MGAT3: variants seen among roughly 807,000 people sequenced by gnomAD.
The protein encoded by MGAT3 is GlcNAc-T III.
Under a neutral mutation model 29.8 loss-of-function variants are expected in MGAT3, and 9 were observed. The ratio of observed to expected loss-of-function variants is 0.30; its 90% confidence interval spans 0.18 to 0.53. The LOEUF is 0.53. MGAT3 is among the 20% of genes least tolerant of loss of function. MGAT3 has a pLI of 0.96. For synonymous variants in MGAT3, 397 were observed against 348.9 expected, an observed-to-expected ratio of 1.14 and a Z score of -1.54; for missense variants, 557 against 769.5, an observed-to-expected ratio of 0.72 and a Z score of 3.27.
At chr22:39,476,740 G>C (rs570282925) in intron 1 of MGAT3, 5 of 152,240 alleles carry the variant, frequency 3.3e-5, no homozygotes, top group Admixed American at 6.5e-5. Flanking sequence ...GGCTGAGCAA[G>C]TCACTTAACC....
At chr22:39,461,953 G>A (rs1161689837) in intron 1 of MGAT3, among the ~76,000 whole-genome samples, 3 of 151,394 alleles carry the variant, frequency 2.0e-5, no homozygotes, top group African/African-American at 7.3e-5. Flanking sequence ...CCAGGCTGGA[G>A]TGCAGTGGCA....
At chr22:39,473,076 G>A (rs1456651236) in intron 1 of MGAT3, among the ~76,000 whole-genome samples, 1 of 152,154 alleles carries the variant, frequency 6.6e-6, no homozygotes, top group Non-Finnish European at 1.5e-5. Context: ...AGCAGTGGGA[G>A]GCGGATGTCC....
chr22:39,464,168 C>T (rs1928572509), intron 1 of MGAT3, among the ~76,000 whole-genome samples: 1 of 152,236 alleles, frequency 6.6e-6, no homozygotes, highest in Admixed American at 6.5e-5. Context: ...GCCTCTGCCT[C>T]TTCCTGGAAG....
rs1056025346 is a variant in MGAT3, at chr22:39,490,407, C to G, written c.*1458C>G. The stretch of plus-strand genomic sequence containing the variant: ...TAGTCTTCAGCGGGGCCGCCATGTG[C>G]CTGGCCTCACCTTGGGAGTTATCTT... On this transcript the variant is annotated 3_prime_UTR_variant, in exon 2 of 2. Transcript: ENST00000341184. The G allele has an allele frequency of 2.4e-5, 4 of 166,982 alleles. No homozygotes were observed. Among genetic ancestry groups the G allele is most frequent in the African/African-American group, 9.7e-5 (4 of 41,436 alleles). The allele number at this position is 166,982 out of a possible 1,614,324, so 10.3% of individuals were successfully genotyped here. A position where few individuals can be genotyped will look rare whatever the true frequency, so the allele number is the denominator to read the frequency against.
rs1929343302 is a variant in MGAT3, at chr22:39,488,215, G to A, written c.868G>A (p.Asp290Asn). 3.1e-6 allele frequency: 5 copies of A among 1,612,490 alleles called. No homozygotes were observed. The highest frequency in any genetic ancestry group is 1.3e-5 in the African/African-American group (1 of 74,924). ...CCGGCAGGACGGCTGGATCGCCGAC[G>A]ACTACCTGCGCACCTTCCTCACCCA... ...GGRQDGWIAD[D>N]YLRTFLTQDG... Residue 290 changes from aspartate (D) to asparagine (N), a missense_variant, in exon 2 of 2, where the codon GAC becomes AAC. Physicochemically the swap from Asp to Asn is conservative, Grantham distance 23. Transcript: ENST00000341184.
intron 1 of MGAT3, among the ~76,000 whole-genome samples, chr22:39,464,846 G>A (rs1246166959): frequency 6.6e-6 from 1 of 151,560 alleles, no homozygotes; most frequent in Non-Finnish European, 1.5e-5. Context: ...TGCCTCCCAG[G>A]TTCACGCCAT....
intron 1 of MGAT3, chr22:39,472,640 G>A (rs1358017110): frequency 6.6e-6 from 1 of 152,296 alleles, no homozygotes; most frequent in Non-Finnish European, 1.5e-5. Flanking sequence ...ACTGCTGCCT[G>A]GTTACCTGTT....
rs1405165949 is a variant in MGAT3 at position 39,457,883 on chromosome 22, G to A, written c.-2+326G>A. ...CCCCGAGGCGCGGGGCTCGAGCCGT[G>A]CTTTGTGCGCGGCACCCCCCAGCCT... On this transcript the variant is annotated intron_variant, in intron 1 of 1. Transcript: ENST00000341184. The surrounding 1 kb of genome is among the most constrained non-coding windows in gnomAD (Gnocchi z 6.8). Among the ~76,000 whole-genome samples, 1 of 151,508 alleles carries A rather than the reference G, an allele frequency of 6.6e-6. No homozygotes were observed. The highest frequency in any genetic ancestry group is 1.9e-4 in the East Asian group (1 of 5,140).
At chr22:39,483,629 G>T (rs1461946497) in intron 1 of MGAT3, among the ~76,000 whole-genome samples, 2 of 152,170 alleles carry the variant, frequency 1.3e-5, no homozygotes, top group African/African-American at 4.8e-5. Flanking sequence ...GTATTGCCTT[G>T]TGTCTGGTCC....
intron 1 of MGAT3, among the ~76,000 whole-genome samples, chr22:39,482,627 G>A (rs1193594563): frequency 6.6e-5 from 10 of 152,178 alleles, no homozygotes; most frequent in Admixed American, 6.5e-4. Context: ...TTATTTATAT[G>A]CTGTCTCAAT....
rs1325063476 is a variant in MGAT3, at chr22:39,490,617, G to A, written c.*1668G>A. ...CAGTGAGGAGCTTGCAGCTCTGTGG[G>A]AAGGGGAAACACCCCCTCCCCTCGG... is the stretch of plus-strand genomic sequence containing the variant. On this transcript the variant is annotated 3_prime_UTR_variant, in exon 2 of 2. Transcript: ENST00000341184. 1 of 167,170 alleles carries A rather than the reference G, an allele frequency of 6.0e-6. No homozygotes were observed. Among genetic ancestry groups the A allele is most frequent in the Non-Finnish European group, 1.5e-5 (1 of 68,118 alleles). 10.4% of individuals were successfully genotyped at this position (167,170 alleles called of 1,614,324 possible).
chr22:39,489,719 TG>T lies in MGAT3; in HGVS notation c.*771del, dbSNP rs145410569. On this transcript the variant is annotated 3_prime_UTR_variant, in exon 2 of 2. Coordinates refer to ENST00000341184, the MANE Select transcript of MGAT3 (RefSeq NM_002409.5). ...ACGTTCCTTCTCCCTTTCACATTGC[TG>T]TCTTGTGGACTGTGCACTCAGTCCT... 2,616 of 167,618 alleles carry T rather than the reference TG, an allele frequency of 0.016. 81 individuals are homozygous for T. The highest frequency in any genetic ancestry group is 0.059 in the African/African-American group (2,441 of 41,564). The allele number at this position is 167,618 out of a possible 1,614,324, so 10.4% of individuals were successfully genotyped here. A position where few individuals can be genotyped will look rare whatever the true frequency, so the allele number is the denominator to read the frequency against.
At chr22:39,462,345 G>A (rs529677827) in intron 1 of MGAT3, among the ~76,000 whole-genome samples, 7 of 152,244 alleles carry the variant, frequency 4.6e-5, no homozygotes, top group Non-Finnish European at 2.9e-5. Context: ...TACTTTCAGC[G>A]ACACAGGTAC....
At chr22:39,478,036 G>C (rs981014856) in intron 1 of MGAT3, among the ~76,000 whole-genome samples, 7 of 152,232 alleles carry the variant, frequency 4.6e-5, no homozygotes, top group Admixed American at 4.6e-4. Context: ...GTACATGGCA[G>C]GGATTGCTGC....
chr22:39,457,375 TCGGGGCCGGGC>T lies in MGAT3; in HGVS notation c.-175_-165del, dbSNP rs1928361075. On this transcript the variant is annotated 5_prime_UTR_variant, in exon 1 of 2. Transcript: ENST00000341184. The surrounding 1 kb of genome is among the most constrained non-coding windows in gnomAD (Gnocchi z 6.8). ...TGGAAGTGGGGGTGGGGGGAGGGGATCGGGGCCGGGCCGGGGCCGCGCTGCCTGCGATGCCG... is the reference window on the plus strand; with the variant it reads ...TGGAAGTGGGGGTGGGGGGAGGGGATCGGGGCCGCGCTGCCTGCGATGCCG... The T allele has an allele frequency of 2.5e-5, 3 of 120,760 alleles. No homozygotes were observed. The highest frequency in any genetic ancestry group is 5.5e-4 in the South Asian group (2 of 3,666). The allele number at this position is 120,760 out of a possible 1,614,324, so 7.5% of individuals were successfully genotyped here.
At chr22:39,469,804 C>T (rs924134194) in intron 1 of MGAT3, among the ~76,000 whole-genome samples, 2 of 152,192 alleles carry the variant, frequency 1.3e-5, no homozygotes, top group African/African-American at 4.8e-5. Flanking sequence ...ACGTTGTCAC[C>T]AGAGGATGGC....
At chr22:39,472,333 G>A (rs1386993898) in intron 1 of MGAT3, among the ~76,000 whole-genome samples, 1 of 152,172 alleles carries the variant, frequency 6.6e-6, no homozygotes, top group African/African-American at 2.4e-5. Flanking sequence ...CTTTGTCAGA[G>A]ACTCGGGGTC....
At chr22:39,467,715 CTGTTTCGTTT>C (rs1272928978) in intron 1 of MGAT3, among the ~76,000 whole-genome samples, 2 of 145,426 alleles carry the variant, frequency 1.4e-5, no homozygotes, top group Non-Finnish European at 3.0e-5. Context: ...GAGTCTGGAT[CTGTTTCGTTT>C]TGTTTCGTTT....
At chr22:39,464,063 C>T (rs891624513) in intron 1 of MGAT3, among the ~76,000 whole-genome samples, 3 of 152,006 alleles carry the variant, frequency 2.0e-5, no homozygotes, top group African/African-American at 4.8e-5. Context: ...ACCGAGCCCC[C>T]GCCTGTGTTC....
Sources: gnomAD v4.1 joint callset for allele counts (sites outside exome capture counted in the v4.1 genomes callset) on GRCh38, gnomAD v4.1.1 for gene constraint, Gnocchi (gnomAD v3.1) non-coding constraint, MANE v1.5 for transcripts, NCBI Gene and HGNC (gene_info 2026-07-23, HGNC 2026-07-21) for gene names.